Variants in PTPRD observed in about 807,000 individuals in gnomAD.
PTPRD encodes the protein protein tyrosine phosphatase receptor type D.
A neutral mutation model predicts 214.5 loss-of-function variants in PTPRD; 34 were observed. The ratio of observed to expected loss-of-function variants is 0.16; its 90% confidence interval spans 0.12 to 0.21. The LOEUF is 0.21. Among genes scored for constraint, PTPRD ranks in the 10% least tolerant of loss-of-function variants. The probability of loss-of-function intolerance (pLI) is 1.00; values close to 1 mark genes in which losing one functional copy is unlikely to be tolerated. For missense variants in PTPRD, 2,545 were observed against 2,398.7 expected, an observed-to-expected ratio of 1.06 and a Z score of -1.27; for synonymous variants, 1,128 against 845.7, an observed-to-expected ratio of 1.33 and a Z score of -5.79.
intron 12 of PTPRD, among the ~76,000 whole-genome samples, chr9:8,644,196 C>A (rs1182005980): frequency 6.6e-6 from 1 of 151,760 alleles, no homozygotes; most frequent in Non-Finnish European, 1.5e-5. Context: ...TGAGGACTTG[C>A]TTAACAGAGA....
At chr9:9,306,210 T>C (rs529183609) in intron 9 of PTPRD, among the ~76,000 whole-genome samples, 1 of 152,192 alleles carries the variant, frequency 6.6e-6, no homozygotes, top group South Asian at 2.1e-4. Flanking sequence ...CTCTTGAATA[T>C]TTAAGGGCTG....
At chr9:8,414,104 C>T (rs1016213358) in intron 35 of PTPRD, among the ~76,000 whole-genome samples, 7 of 152,108 alleles carry the variant, frequency 4.6e-5, no homozygotes, top group African/African-American at 1.7e-4. Context: ...GCAACAATTA[C>T]TTTTACCCTA....
At chr9:8,720,745 T>C (rs1475736717) in intron 12 of PTPRD, among the ~76,000 whole-genome samples, 1 of 152,206 alleles carries the variant, frequency 6.6e-6, no homozygotes, top group African/African-American at 2.4e-5. Context: ...TTCTCAATTC[T>C]TACACAGTGT....
intron 35 of PTPRD, among the ~76,000 whole-genome samples, chr9:8,436,322 C>T (rs2095346546): frequency 2.1e-5 from 3 of 142,824 alleles, no homozygotes; most frequent in African/African-American, 7.8e-5. Flanking sequence ...ACAATTATTG[C>T]CAATTAAAAA....
intron 33 of PTPRD, among the ~76,000 whole-genome samples, chr9:8,456,351 G>A (rs1450861121): frequency 1.3e-5 from 2 of 152,138 alleles, no homozygotes; most frequent in Admixed American, 1.3e-4. Context: ...AGAGAGGACA[G>A]AAAATGAGGC....
intron 30 of PTPRD, among the ~76,000 whole-genome samples, chr9:8,472,087 G>T (rs573962419): frequency 1.3e-5 from 2 of 152,182 alleles, no homozygotes; most frequent in Admixed American, 6.5e-5. Context: ...CTGGTCACAG[G>T]CAAAAAGACA....
intron 8 of PTPRD, among the ~76,000 whole-genome samples, chr9:9,544,961 A>ATGT (rs147693023): frequency 0.23 from 34,910 of 151,340 alleles, 4,305 homozygotes; most frequent in Non-Finnish European, 0.26. Flanking sequence ...TCTAAATCTC[A>ATGT]TCTTGTTGTT....
At chr9:9,053,185 CATA>C (rs2099689696) in intron 10 of PTPRD, among the ~76,000 whole-genome samples, 1 of 152,104 alleles carries the variant, frequency 6.6e-6, no homozygotes, top group African/African-American at 2.4e-5. Context: ...TCAGCAGTTT[CATA>C]ATGTTTAACA....
At chr9:8,711,107 C>G (rs1041132255) in intron 12 of PTPRD, among the ~76,000 whole-genome samples, 3 of 151,852 alleles carry the variant, frequency 2.0e-5, no homozygotes, top group African/African-American at 7.3e-5. Flanking sequence ...CATAACTCAA[C>G]ATAATTAATT....
rs751136214 is a variant in PTPRD, at chr9:9,049,075, T to C, written c.-142-30340A>G. Reference sequence around the variant, plus strand: ...CCCTTGCTATATACCAAGCATCCAATGATCTGGAAAGCAACACTAGTCATT... The same window carrying C: ...CCCTTGCTATATACCAAGCATCCAACGATCTGGAAAGCAACACTAGTCATT... On this transcript the variant is annotated intron_variant, in intron 10 of 45. Coordinates refer to ENST00000381196, the MANE Select transcript of PTPRD (RefSeq NM_002839.4). 2.3e-4 allele frequency among the ~76,000 whole-genome samples: 35 copies of C among 152,210 alleles called. 1 individual carries two copies. The highest frequency in any genetic ancestry group is 3.8e-4 in the Non-Finnish European group (26 of 68,042).
chr9:8,772,561 T>A (rs1041929287), intron 11 of PTPRD, among the ~76,000 whole-genome samples: 1 of 151,996 alleles, frequency 6.6e-6, no homozygotes, highest in Non-Finnish European at 1.5e-5. Context: ...GAGGATCACT[T>A]GAGCCCAGGA....
intron 9 of PTPRD, among the ~76,000 whole-genome samples, chr9:9,249,166 G>A (rs1384048687): frequency 6.6e-6 from 1 of 151,864 alleles, no homozygotes; most frequent in Non-Finnish European, 1.5e-5. Flanking sequence ...TATAAGATCT[G>A]ATTGTTAAAA....
chr9:8,776,851 T>C (rs1231049819), intron 11 of PTPRD, among the ~76,000 whole-genome samples: 1 of 147,548 alleles, frequency 6.8e-6, no homozygotes. Context: ...AGGTATAATA[T>C]AAAAATATTA....
At chr9:10,305,967 AC>A (rs1439426928) in intron 3 of PTPRD, among the ~76,000 whole-genome samples, 2 of 152,064 alleles carry the variant, frequency 1.3e-5, no homozygotes, top group East Asian at 3.9e-4. Flanking sequence ...AAAGACATAT[AC>A]ACATATATGT....
At chr9:9,336,003 A>T (rs2044302090) in intron 9 of PTPRD, among the ~76,000 whole-genome samples, 1 of 152,118 alleles carries the variant, frequency 6.6e-6, no homozygotes, top group Admixed American at 6.6e-5. Context: ...AAGAAATTGG[A>T]ATTTCAGGAA....
chr9:8,731,039 T>C (rs184522015), intron 12 of PTPRD, among the ~76,000 whole-genome samples: 3 of 152,350 alleles, frequency 2.0e-5, no homozygotes, highest in African/African-American at 7.2e-5. Context: ...GCAAAGACTA[T>C]AATTTTCTGC....
At chr9:10,043,203 C>T (rs2097328412) in intron 3 of PTPRD, among the ~76,000 whole-genome samples, 1 of 151,900 alleles carries the variant, frequency 6.6e-6, no homozygotes, top group South Asian at 2.1e-4. Context: ...CTCTCTGATA[C>T]ACTTAGGCAT....
intron 2 of PTPRD, among the ~76,000 whole-genome samples, chr9:10,459,269 G>A (rs2098940683): frequency 6.7e-6 from 1 of 149,862 alleles, no homozygotes. Flanking sequence ...TGGTGTAGAT[G>A]TGCCACATTG....
intron 8 of PTPRD, among the ~76,000 whole-genome samples, chr9:9,502,044 C>T (rs1322852983): frequency 6.6e-6 from 1 of 151,718 alleles, no homozygotes. Context: ...ACCCATGAAA[C>T]CACTACCACA....
Sources: gnomAD v4.1 joint callset for allele counts (sites outside exome capture counted in the v4.1 genomes callset) on GRCh38, gnomAD v4.1.1 for gene constraint, MANE v1.5 for transcripts, NCBI Gene and HGNC (gene_info 2026-07-23, HGNC 2026-07-21) for gene names.